The following WWC2 variants were observed in gnomAD, a reference collection of about 807,000 sequenced individuals.
The protein encoded by WWC2 is protein WWC2.
In WWC2, 101 loss-of-function variants were observed where a neutral mutation model predicts 138.5. The ratio of observed to expected loss-of-function variants is 0.73; its 90% CI spans 0.62 to 0.86. WWC2 has a LOEUF of 0.86. Among genes scored for constraint, WWC2 ranks in the 40% least tolerant of loss-of-function variants. The pLI, the probability that WWC2 is intolerant of heterozygous loss-of-function variation, is 0.00. For synonymous variants in WWC2, 558 were observed against 538.4 expected, an observed-to-expected ratio of 1.04 and a Z score of -0.50; for missense variants, 1,420 against 1,419.4, an observed-to-expected ratio of 1.00 and a Z score of -0.01.
chr4:183,289,688 C>T (rs371735498), intron 21 of WWC2, 53 bp downstream of exon 21: 9 of 1,584,242 alleles, frequency 5.7e-6, no homozygotes, highest in African/African-American at 1.4e-5. Context: ...TTTTTTAAAG[C>T]GTGCCATGTA....
chr4:183,278,458 C>T (rs1399469329), intron 16 of WWC2, among the ~76,000 whole-genome samples: 2 of 151,998 alleles, frequency 1.3e-5, no homozygotes, highest in African/African-American at 2.4e-5. Context: ...CTTGGCGATG[C>T]AGGCTCTTTT....
intron 1 of WWC2, among the ~76,000 whole-genome samples, chr4:183,170,323 A>G (rs1443003925): frequency 6.6e-6 from 1 of 152,162 alleles, no homozygotes; most frequent in Non-Finnish European, 1.5e-5. Flanking sequence ...CTCGAAGTGT[A>G]TAAACTAAAA....
chr4:183,265,584 C>A, intron 12 of WWC2, 104 bp from the exon 13 acceptor site: 1 of 1,148,120 alleles, frequency 8.7e-7, no homozygotes, highest in Non-Finnish European at 1.3e-6. Flanking sequence ...CATAGGAGTG[C>A]TGTTAATTTG....
At chr4:183,291,747 A>T (rs1453450651) in intron 21 of WWC2, among the ~76,000 whole-genome samples, 1 of 152,186 alleles carries the variant, frequency 6.6e-6, no homozygotes, top group Non-Finnish European at 1.5e-5. Flanking sequence ...TTCATCCATA[A>T]ATTGCATTTC....
At position 183,099,560 on chromosome 4, in the gene WWC2, C is replaced by T. The variant is rs1486369426; in HGVS notation, c.69C>T (p.Asp23=). Residue 23 remains aspartate (D), a synonymous_variant, in exon 1 of 23, where the codon GAC becomes GAT. Coordinates refer to ENST00000403733, the MANE Select transcript of WWC2 (RefSeq NM_024949.6). ...PRGWEEARDY[D]GKVFYIDHNT... is the part of the protein sequence containing the mutation. The stretch of plus-strand genomic sequence containing the variant: ...GCTGGGAGGAGGCCAGGGACTACGA[C>T]GGCAAGGTCTTCTACATTGACCACA... 3.5e-6 allele frequency: 5 copies of T among 1,422,978 alleles called. No individual in the cohort carries two copies. The highest frequency in any genetic ancestry group is 3.2e-5 in the East Asian group (1 of 31,564). 88.1% of individuals were successfully genotyped at this position (1,422,978 alleles called of 1,614,324 possible). A position where few individuals can be genotyped will look rare whatever the true frequency, so the allele number is the denominator to read the frequency against.
At chr4:183,270,307 A>C (rs1304747134) in intron 15 of WWC2, among the ~76,000 whole-genome samples, 1 of 152,202 alleles carries the variant, frequency 6.6e-6, no homozygotes, top group East Asian at 1.9e-4. Flanking sequence ...TGGAATATGG[A>C]AAGCCTTTAT....
At chr4:183,189,965 T>A (rs890429744) in intron 1 of WWC2, among the ~76,000 whole-genome samples, 2 of 152,170 alleles carry the variant, frequency 1.3e-5, no homozygotes, top group Non-Finnish European at 2.9e-5. Context: ...TGTGAAAGAA[T>A]GATATAATGC....
intron 20 of WWC2, among the ~76,000 whole-genome samples, chr4:183,289,147 T>A (rs895616777): frequency 1.3e-5 from 2 of 152,246 alleles, no homozygotes; most frequent in African/African-American, 4.8e-5. Flanking sequence ...TGTGGTTCTT[T>A]GCTCTCCCTC....
intron 4 of WWC2, among the ~76,000 whole-genome samples, chr4:183,228,511 A>T (rs1293298241): frequency 6.6e-6 from 1 of 152,136 alleles, no homozygotes. Context: ...TAGCACATTC[A>T]GGAAAACTGA....
intron 1 of WWC2, among the ~76,000 whole-genome samples, chr4:183,192,003 G>C (rs982630289): frequency 6.6e-6 from 1 of 152,186 alleles, no homozygotes; most frequent in African/African-American, 2.4e-5. Context: ...GGAATTACAG[G>C]CGTGAGCCAC....
intron 4 of WWC2, among the ~76,000 whole-genome samples, chr4:183,237,143 C>T (rs1342705648): frequency 2.6e-5 from 4 of 152,148 alleles, no homozygotes; most frequent in African/African-American, 7.2e-5. Flanking sequence ...GTTGGGCAAG[C>T]TTGTTTTATA....
intron 16 of WWC2, among the ~76,000 whole-genome samples, chr4:183,280,116 C>A (rs1261601578): frequency 6.7e-6 from 1 of 149,852 alleles, no homozygotes; most frequent in Non-Finnish European, 1.5e-5. Flanking sequence ...AGGCAAATGA[C>A]AATATGGGTA....
intron 9 of WWC2, among the ~76,000 whole-genome samples, chr4:183,254,582 G>A (rs576708837): frequency 2.4e-4 from 36 of 152,294 alleles, no homozygotes; most frequent in Middle Eastern, 6.8e-3. Context: ...AAAAAATCCA[G>A]TTCTGCAAAA....
intron 11 of WWC2, among the ~76,000 whole-genome samples, chr4:183,264,277 C>T (rs1312931081): frequency 6.6e-6 from 1 of 152,210 alleles, no homozygotes; most frequent in Non-Finnish European, 1.5e-5. Flanking sequence ...CTCACTCTCA[C>T]TCACTGGAGG....
chr4:183,163,029 T>G (rs1734006112), intron 1 of WWC2, among the ~76,000 whole-genome samples: 2 of 152,072 alleles, frequency 1.3e-5, no homozygotes, highest in Non-Finnish European at 2.9e-5. Flanking sequence ...GTAAAAAGCT[T>G]TGAGATAAAA....
In WWC2 at chr4:183,264,920, A is replaced by G. The variant is rs186034624; in HGVS notation, c.1910-58A>G. ...CATGACCAAACTATGTATGTATTTA[A>G]TACTTAACTTTTCCAAATAAGACAT... On this transcript the variant is annotated intron_variant, in intron 11 of 22. Transcript: ENST00000403733. 5.2e-6 allele frequency: 8 copies of G among 1,529,052 alleles called. No homozygotes were observed. In the African/African-American group the frequency reaches 8.2e-5, roughly 16 times the overall value. 94.7% of individuals were successfully genotyped at this position (1,529,052 alleles called of 1,614,324 possible).
intron 4 of WWC2, among the ~76,000 whole-genome samples, chr4:183,230,318 G>A (rs1736204413): frequency 1.3e-5 from 2 of 151,862 alleles, no homozygotes; most frequent in South Asian, 4.1e-4. Flanking sequence ...GTCTTAATGA[G>A]CAATGTAGTC....
At chr4:183,140,799 G>T (rs1364651754) in intron 1 of WWC2, among the ~76,000 whole-genome samples, 1 of 152,124 alleles carries the variant, frequency 6.6e-6, no homozygotes, top group Admixed American at 6.5e-5. Context: ...TATAATAAAA[G>T]CCACAGCCTT....
intron 4 of WWC2, among the ~76,000 whole-genome samples, chr4:183,223,950 C>G (rs1166866323): frequency 6.6e-6 from 1 of 152,102 alleles, no homozygotes; most frequent in Non-Finnish European, 1.5e-5. Context: ...AGGCTGGTCT[C>G]GAACTCCTGA....
Sources: gnomAD v4.1 joint callset for allele counts (sites outside exome capture counted in the v4.1 genomes callset) on GRCh38, gnomAD v4.1.1 for gene constraint, MANE v1.5 for transcripts, NCBI Gene and HGNC (gene_info 2026-07-23, HGNC 2026-07-21) for gene names.